Variants in CCDC102B observed in about 807,000 individuals in gnomAD.
CCDC102B encodes coiled-coil domain containing 102B, also known as coiled-coil domain-containing protein 102B.
In CCDC102B, 75 loss-of-function variants were observed where a neutral mutation model predicts 57.4. That is an observed-to-expected ratio of 1.31 (90% CI 1.08 to 1.58). CCDC102B has a LOEUF of 1.58. Among genes scored for constraint, CCDC102B ranks in the 40% most tolerant of loss-of-function variants. The probability of loss-of-function intolerance (pLI) is 0.00; values close to 1 mark genes in which losing one functional copy is unlikely to be tolerated. For missense variants in CCDC102B, 636 were observed against 582.6 expected, an observed-to-expected ratio of 1.09 and a Z score of -0.94; for synonymous variants, 206 against 201.9, an observed-to-expected ratio of 1.02 and a Z score of -0.17.
At chr18:68,732,197 A>G (rs1273019983) in intron 2 of CCDC102B, among the ~76,000 whole-genome samples, 1 of 151,846 alleles carries the variant, frequency 6.6e-6, no homozygotes, top group Non-Finnish European at 1.5e-5. Flanking sequence ...ATGGAAGCAC[A>G]GGGCTTTTCT....
intron 1 of CCDC102B, among the ~76,000 whole-genome samples, chr18:68,811,814 C>A (rs2036277553): frequency 6.6e-6 from 1 of 152,110 alleles, no homozygotes; most frequent in South Asian, 2.1e-4. Context: ...CAGAGGACTG[C>A]AGGTCGACTC....
chr18:68,906,996 G>T (rs958293203), intron 6 of CCDC102B, among the ~76,000 whole-genome samples: 2 of 151,822 alleles, frequency 1.3e-5, no homozygotes, highest in South Asian at 4.1e-4. Flanking sequence ...ATGTAAGAAA[G>T]AGGTCCACAT....
Position 68,889,544 on chromosome 18 carries a change from C to A in CCDC102B, c.1054-7675C>A, listed in dbSNP as rs150493290. On this transcript the variant is annotated intron_variant, in intron 5 of 7. Coordinates refer to ENST00000360242, the MANE Select transcript of CCDC102B (RefSeq NM_024781.3). ...AAGCGATTCTCCTGCCTCAGCCTCC[C>A]GAGTAGCTGGGACTATAGGCATGCA... 9.3e-3 allele frequency among the ~76,000 whole-genome samples: 1,411 copies of A among 152,176 alleles called. 24 individuals are homozygous for A. Among genetic ancestry groups the A allele is most frequent in the African/African-American group, 0.032 (1,342 of 41,514 alleles).
intron 2 of CCDC102B, among the ~76,000 whole-genome samples, chr18:68,717,076 CAA>C (rs762558435): frequency 4.0e-4 from 41 of 103,098 alleles, no homozygotes; most frequent in Admixed American, 4.1e-4. Flanking sequence ...GACTCTGTTT[CAA>C]AAAAAAAAAA....
At chr18:68,948,038 C>T (rs1024752628) in intron 6 of CCDC102B, among the ~76,000 whole-genome samples, 1 of 152,032 alleles carries the variant, frequency 6.6e-6, no homozygotes, top group African/African-American at 2.4e-5. Flanking sequence ...ATCATTACAA[C>T]CATAATTTGA....
At chr18:68,835,120 A>G (rs1338230687) in intron 1 of CCDC102B, among the ~76,000 whole-genome samples, 2 of 152,160 alleles carry the variant, frequency 1.3e-5, no homozygotes, top group Non-Finnish European at 2.9e-5. Context: ...TATATTCTCA[A>G]TATACCTAAA....
At chr18:68,955,735 A>T (rs2049826824) in intron 6 of CCDC102B, among the ~76,000 whole-genome samples, 1 of 151,996 alleles carries the variant, frequency 6.6e-6, no homozygotes, top group Non-Finnish European at 1.5e-5. Context: ...TTTATGTATG[A>T]TAAATTATCT....
chr18:68,929,949 G>A (rs2041611667), intron 6 of CCDC102B, among the ~76,000 whole-genome samples: 1 of 151,666 alleles, frequency 6.6e-6, no homozygotes, highest in Admixed American at 6.6e-5. Flanking sequence ...AAAATATTAA[G>A]TTACCACACA....
chr18:68,921,979 C>T lies in CCDC102B; in HGVS notation c.1263+24551C>T, dbSNP rs189413057. ...TTGATGCTCTGATAGGGACTGGGTC[C>T]GATTTCATTCAGTTTGTCTCATACA... On this transcript the variant is annotated intron_variant, in intron 6 of 7. Transcript: ENST00000360242. Among the ~76,000 whole-genome samples, 3 of 152,172 alleles carry T rather than the reference C, an allele frequency of 2.0e-5. No individual in the cohort carries two copies. The East Asian group carries it at 5.8e-4, about 29-fold the overall frequency.
At chr18:68,791,094 G>T (rs911500447) in intron 2 of CCDC102B, among the ~76,000 whole-genome samples, 3 of 152,146 alleles carry the variant, frequency 2.0e-5, no homozygotes, top group African/African-American at 7.2e-5. Flanking sequence ...GTTCAATATT[G>T]CTGCCAAGAA....
intron 2 of CCDC102B, among the ~76,000 whole-genome samples, chr18:68,789,933 GTT>G (rs1289942862): frequency 6.6e-6 from 1 of 151,856 alleles, no homozygotes; most frequent in Non-Finnish European, 1.5e-5. Flanking sequence ...CAGTTTTTCT[GTT>G]CTGTTTTTTC....
intron 4 of CCDC102B, among the ~76,000 whole-genome samples, chr18:68,870,974 ATC>A (rs1211267081): frequency 1.7e-4 from 26 of 152,192 alleles, no homozygotes; most frequent in African/African-American, 6.3e-4. Flanking sequence ...TTTCTTAGAC[ATC>A]GTCTTCAGTT....
chr18:68,868,475 A>G (rs1330225094), intron 4 of CCDC102B, among the ~76,000 whole-genome samples: 1 of 152,212 alleles, frequency 6.6e-6, no homozygotes, highest in Non-Finnish European at 1.5e-5. Context: ...TCTGTGGCTT[A>G]TCTGCCCATT....
intron 2 of CCDC102B, among the ~76,000 whole-genome samples, chr18:68,750,604 G>T (rs566379726): frequency 1.3e-5 from 2 of 151,950 alleles, no homozygotes; most frequent in Non-Finnish European, 2.9e-5. Flanking sequence ...ATACATCATG[G>T]AATACCATGC....
chr18:69,043,430 C>G (rs1358358632), intron 7 of CCDC102B, among the ~76,000 whole-genome samples: 1 of 152,056 alleles, frequency 6.6e-6, no homozygotes, highest in Non-Finnish European at 1.5e-5. Flanking sequence ...ACGGTCAGGT[C>G]TTTCCCTTCC....
At chr18:68,911,644 C>T (rs59103835) in intron 6 of CCDC102B, among the ~76,000 whole-genome samples, 42,621 of 142,778 alleles carry the variant, frequency 0.3, 7,936 homozygotes, top group African/African-American at 0.57. Flanking sequence ...CCCAGCTACT[C>T]GAGAGGCTGA....
intron 7 of CCDC102B, among the ~76,000 whole-genome samples, chr18:69,045,390 A>C (rs1436012330): frequency 6.6e-6 from 1 of 152,088 alleles, no homozygotes; most frequent in Non-Finnish European, 1.5e-5. Flanking sequence ...AAATACTCTC[A>C]AAATTATGGT....
chr18:69,022,209 ATATATATATATAT>A (rs1394342479), intron 7 of CCDC102B, among the ~76,000 whole-genome samples: 40 of 141,352 alleles, frequency 2.8e-4, no homozygotes, highest in African/African-American at 1.0e-3. Flanking sequence ...ATATATATAT[ATATATATATATAT>A]AACACACACA....
chr18:69,046,401 A>G (rs193172956), intron 7 of CCDC102B, among the ~76,000 whole-genome samples: 1 of 152,148 alleles, frequency 6.6e-6, no homozygotes, highest in Non-Finnish European at 1.5e-5. Flanking sequence ...TCTTCTTTTG[A>G]GAACTGTCTG....
Sources: gnomAD v4.1 joint callset for allele counts (sites outside exome capture counted in the v4.1 genomes callset) on GRCh38, gnomAD v4.1.1 for gene constraint, MANE v1.5 for transcripts, NCBI Gene and HGNC (gene_info 2026-07-23, HGNC 2026-07-21) for gene names.